Variants in CHD2 observed in about 807,000 individuals in gnomAD.
The protein encoded by CHD2 is chromodomain helicase DNA binding protein 2, also known as ATP-dependent chromatin remodeler CHD2.
CHD2 carries 28 observed loss-of-function variants against 243.9 expected under a neutral mutation model. The observed-to-expected ratio is 0.11, with a 90% CI of 0.09 to 0.16. CHD2 has a LOEUF of 0.16. Among genes scored for constraint, CHD2 ranks in the 10% least tolerant of loss-of-function variants. The pLI is 1.00. For missense variants in CHD2, 1,386 were observed against 2,209.8 expected (o/e 0.63, Z 7.47); for synonymous variants, 775 against 779.0 (o/e 0.99, Z 0.09).
At chr15:92,954,605 A>C (rs932003980) in intron 14 of CHD2, among the ~76,000 whole-genome samples, 3 of 152,244 alleles carry the variant, frequency 2.0e-5, no homozygotes, top group Non-Finnish European at 4.4e-5. Flanking sequence ...TTAACCGTTA[A>C]AGACGAAAAA....
intron 38 of CHD2, among the ~76,000 whole-genome samples, chr15:93,023,279 A>G (rs2054554585): frequency 6.6e-6 from 1 of 152,186 alleles, no homozygotes; most frequent in African/African-American, 2.4e-5. Context: ...GTCATACAAT[A>G]TGTGACCTTT....
At chr15:93,001,810 C>T (rs1290991490) in intron 32 of CHD2, among the ~76,000 whole-genome samples, 2 of 152,196 alleles carry the variant, frequency 1.3e-5, no homozygotes, top group East Asian at 3.8e-4. Context: ...AGCCACTGTG[C>T]CTGGCCAATA....
At chr15:92,974,482 G>A (rs2053882028) in intron 19 of CHD2, among the ~76,000 whole-genome samples, 1 of 152,172 alleles carries the variant, frequency 6.6e-6, no homozygotes, top group Non-Finnish European at 1.5e-5. Flanking sequence ...TAGCTAAGAA[G>A]CATCATTTTT....
Position 93,025,936 on chromosome 15 carries a change from T to C in CHD2, c.*1231T>C, listed in dbSNP as rs138803839. 4.6e-5 allele frequency: 7 copies of C among 152,536 alleles called. No individual in the cohort carries two copies. The highest frequency in any genetic ancestry group is 1.7e-4 in the African/African-American group (7 of 41,588). 9.4% of individuals were successfully genotyped at this position (152,536 alleles called of 1,614,324 possible). A position where few individuals can be genotyped will look rare whatever the true frequency, so the allele number is the denominator to read the frequency against. On this transcript the variant is annotated 3_prime_UTR_variant, in exon 39 of 39. Coordinates refer to ENST00000394196, the MANE Select transcript of CHD2 (RefSeq NM_001271.4). ...TGGAGATCATTAGAATTGAATTCAG[T>C]TTCTCTTAGAATATAATCAGGTATA...
chr15:92,922,146 T>C (rs1488417068), intron 2 of CHD2, among the ~76,000 whole-genome samples: 1 of 152,146 alleles, frequency 6.6e-6, no homozygotes, highest in Non-Finnish European at 1.5e-5. Flanking sequence ...TTTGGCCCCC[T>C]ATGGTAAAAT....
At chr15:92,919,747 G>A (rs2052918852) in intron 2 of CHD2, among the ~76,000 whole-genome samples, 1 of 152,146 alleles carries the variant, frequency 6.6e-6, no homozygotes, top group Non-Finnish European at 1.5e-5. Context: ...TGTAGGGTGG[G>A]ATGTACTTGC....
intron 2 of CHD2, among the ~76,000 whole-genome samples, chr15:92,915,987 T>G (rs1034185828): frequency 2.7e-5 from 4 of 149,308 alleles, no homozygotes; most frequent in African/African-American, 7.4e-5. Context: ...TAAGCCAGAC[T>G]GAGGCATAAA....
chr15:92,921,020 A>G (rs1316379241), intron 2 of CHD2, among the ~76,000 whole-genome samples: 1 of 151,970 alleles, frequency 6.6e-6, no homozygotes, highest in Non-Finnish European at 1.5e-5. Flanking sequence ...TGTCATTGCT[A>G]AAAGTATAGA....
At chr15:92,955,311 T>C (rs1329654446) in intron 14 of CHD2, 112 bp from the exon 15 acceptor site, 16 of 597,782 alleles carry the variant, frequency 2.7e-5, no homozygotes, top group Non-Finnish European at 1.1e-5. Context: ...CATTGAATTC[T>C]AATCAGATTT....
Sources: allele counts gnomAD v4.1 joint callset (sites outside exome capture counted in the v4.1 genomes callset), GRCh38; gene constraint gnomAD v4.1.1; transcripts MANE v1.5; gene names NCBI Gene and HGNC (gene_info 2026-07-23, HGNC 2026-07-21).